RFTN1: variants seen among roughly 807,000 people sequenced by gnomAD.
The protein encoded by RFTN1 is raftlin, lipid raft linker 1, also known as raftlin.
In RFTN1, 26 loss-of-function variants were observed where a neutral mutation model predicts 46.5. The observed-to-expected ratio is 0.56, with a 90% confidence interval of 0.41 to 0.78. The LOEUF (loss-of-function observed/expected upper bound fraction) is 0.78. Among genes scored for constraint, RFTN1 ranks in the 30% least tolerant of loss-of-function variants. RFTN1 has a pLI of 0.00. For synonymous variants in RFTN1, 261 were observed against 284.2 expected, an observed-to-expected ratio of 0.92 and a Z score of 0.82; for missense variants, 693 against 718.7, an observed-to-expected ratio of 0.96 and a Z score of 0.41.
At chr3:16,408,104 T>TA (rs1246043373) in intron 4 of RFTN1, among the ~76,000 whole-genome samples, 1 of 152,076 alleles carries the variant, frequency 6.6e-6, no homozygotes, top group Non-Finnish European at 1.5e-5. Flanking sequence ...TCTGGCCCCT[T>TA]CTCCCGACCC....
At chr3:16,494,579 C>T (rs973644382) in intron 1 of RFTN1, among the ~76,000 whole-genome samples, 8 of 152,126 alleles carry the variant, frequency 5.3e-5, no homozygotes, top group Non-Finnish European at 7.3e-5. Flanking sequence ...CAGAAATCCA[C>T]GTGTATTACA....
intron 8 of RFTN1, among the ~76,000 whole-genome samples, chr3:16,325,581 GTC>G (rs2069611470): frequency 2.0e-5 from 3 of 152,328 alleles, no homozygotes; most frequent in Admixed American, 2.0e-4. Flanking sequence ...TTGGGTTCAA[GTC>G]TTCAGGCCCC....
At position 16,510,672 on chromosome 3, in the gene RFTN1, G is replaced by T. The variant is rs114664165; in HGVS notation, c.-9+2770C>A. ...AATCTCATACTTGTATTCTTTGCTGGTGAGACTGTAAAATGGTATAACCAT... is the reference window on the plus strand; with the variant it reads ...AATCTCATACTTGTATTCTTTGCTGTTGAGACTGTAAAATGGTATAACCAT... On this transcript the variant is annotated intron_variant, in intron 1 of 9. Transcript: ENST00000334133. Among the ~76,000 whole-genome samples the T allele has an allele frequency of 4.2e-3, 643 of 152,286 alleles. 7 individuals are homozygous for T. Among genetic ancestry groups the T allele is most frequent in the African/African-American group, 0.014 (588 of 41,546 alleles).
intron 1 of RFTN1, among the ~76,000 whole-genome samples, chr3:16,496,046 T>A (rs1262237668): frequency 6.6e-6 from 1 of 152,238 alleles, no homozygotes; most frequent in Non-Finnish European, 1.5e-5. Context: ...TATATTAAGA[T>A]TTAAAACTTC....
At position 16,498,154 on chromosome 3, in the gene RFTN1, C is replaced by A. The variant is rs1273729821; in HGVS notation, c.-8-4277G>T. Among the ~76,000 whole-genome samples the A allele has an allele frequency of 6.6e-6, 1 of 152,188 alleles. No homozygotes were observed. The highest frequency in any genetic ancestry group is 2.4e-5 in the African/African-American group (1 of 41,424). Reference sequence around the variant, plus strand: ...AAGATAAAGAGTATGTTACATTAAACCAAATTTGGCTTGACGATGCCTCCA... The same window carrying A: ...AAGATAAAGAGTATGTTACATTAAAACAAATTTGGCTTGACGATGCCTCCA... On this transcript the variant is annotated intron_variant, in intron 1 of 9. Coordinates refer to ENST00000334133, the MANE Select transcript of RFTN1 (RefSeq NM_015150.2). This position sits in a 1 kb window ranked among gnomAD's most constrained non-coding sequence, Gnocchi z 5.2.
rs575643252 is a variant in RFTN1, at chr3:16,400,783, C to A, written c.441+8592G>T. Among the ~76,000 whole-genome samples, 1 of 152,232 alleles carries A rather than the reference C, an allele frequency of 6.6e-6. No individual in the cohort carries two copies. The highest frequency in any genetic ancestry group is 1.9e-4 in the East Asian group (1 of 5,168). Reference sequence around the variant, plus strand: ...TAAAAATAGCAAGAGGACAGAGGATCAAGAGAGGCCAGGGTGGGAGAGGAA... The same window carrying A: ...TAAAAATAGCAAGAGGACAGAGGATAAAGAGAGGCCAGGGTGGGAGAGGAA... On this transcript the variant is annotated intron_variant, in intron 4 of 9. Coordinates refer to ENST00000334133, the MANE Select transcript of RFTN1 (RefSeq NM_015150.2). This position sits in a 1 kb window ranked among gnomAD's most constrained non-coding sequence, Gnocchi z 4.5.
chr3:16,363,607 G>A (rs1203778266), intron 6 of RFTN1, among the ~76,000 whole-genome samples: 5 of 152,238 alleles, frequency 3.3e-5, no homozygotes, highest in African/African-American at 1.2e-4. Flanking sequence ...TAACCTTCAG[G>A]CTCAGCCCCA....
At chr3:16,454,861 C>G (rs1349434781) in intron 2 of RFTN1, 1 of 777,990 alleles carries the variant, frequency 1.3e-6, no homozygotes, top group Non-Finnish European at 1.6e-6. Flanking sequence ...AGCTTTTTGC[C>G]TAGTCCATAA....
At chr3:16,362,233 A>T (rs757120164) in intron 6 of RFTN1, among the ~76,000 whole-genome samples, 28 of 152,348 alleles carry the variant, frequency 1.8e-4, no homozygotes, top group Middle Eastern at 3.4e-3. Flanking sequence ...GGGTAAACCA[A>T]TAACACACTC....
At position 16,452,325 on chromosome 3, in the gene RFTN1, C is replaced by T. The variant is rs559500593; in HGVS notation, c.146-18288G>A. Among the ~76,000 whole-genome samples, 95 of 151,916 alleles carry T rather than the reference C, an allele frequency of 6.3e-4. No individual in the cohort carries two copies. Among genetic ancestry groups the T allele is most frequent in the Admixed American group, 1.8e-3 (27 of 15,270 alleles). On this transcript the variant is annotated intron_variant, in intron 2 of 9. Coordinates refer to ENST00000334133, the MANE Select transcript of RFTN1 (RefSeq NM_015150.2). The surrounding 1 kb of genome is among the most constrained non-coding windows in gnomAD (Gnocchi z 6.3). ...ATGAAGGTAAGGATATAATAGAAGG[C>T]GAAGGGAAAAGTAATTTTAAAATGT...
rs2074937937 is a variant in RFTN1, at chr3:16,409,495, GAA to G, written c.333-14_333-13del. On this transcript the variant is annotated splice_polypyrimidine_tract_variant and intron_variant, in intron 3 of 9. Transcript: ENST00000334133. ...CAGTTTTCTGAGATCTGAAGAGAAA[GAA>G]AAGCACACACAGAAACAGATTAATA... 2.6e-6 allele frequency: 4 copies of G among 1,532,014 alleles called. No individual in the cohort carries two copies. The African/African-American group carries it at 5.5e-5, about 21-fold the overall frequency. 94.9% of individuals were successfully genotyped at this position (1,532,014 alleles called of 1,614,324 possible).
chr3:16,476,947 G>T (rs141270916), intron 2 of RFTN1, among the ~76,000 whole-genome samples: 1 of 152,080 alleles, frequency 6.6e-6, no homozygotes, highest in Non-Finnish European at 1.5e-5. Flanking sequence ...GTCATAAGGC[G>T]GATGACGACA....
intron 7 of RFTN1, chr3:16,349,609 T>C (rs766778211): frequency 6.6e-6 from 1 of 152,196 alleles, no homozygotes; most frequent in Non-Finnish European, 1.5e-5. Flanking sequence ...AAGAAAAGGG[T>C]ATGTTCAAGA....
In RFTN1 at chr3:16,452,225, A is replaced by G. The variant is rs765384709; in HGVS notation, c.146-18188T>C. Among the ~76,000 whole-genome samples the G allele has an allele frequency of 4.6e-5, 7 of 152,220 alleles. No individual in the cohort carries two copies. The highest frequency in any genetic ancestry group is 8.8e-5 in the Non-Finnish European group (6 of 68,034). On this transcript the variant is annotated intron_variant, in intron 2 of 9. Coordinates refer to ENST00000334133, the MANE Select transcript of RFTN1 (RefSeq NM_015150.2). The surrounding 1 kb of genome is among the most constrained non-coding windows in gnomAD (Gnocchi z 6.3). Reference sequence around the variant, plus strand: ...GATAAGGGGGAACTACTGTACAAACAGTGAATGAGAGTTATTCATAAGAAG... The same window carrying G: ...GATAAGGGGGAACTACTGTACAAACGGTGAATGAGAGTTATTCATAAGAAG...
At position 16,458,302 on chromosome 3, in the gene RFTN1, G is replaced by A. The variant is rs188341646; in HGVS notation, c.146-24265C>T. On this transcript the variant is annotated intron_variant, in intron 2 of 9. Coordinates refer to ENST00000334133, the MANE Select transcript of RFTN1 (RefSeq NM_015150.2). This position sits in a 1 kb window ranked among gnomAD's most constrained non-coding sequence, Gnocchi z 5.1. Reference sequence around the variant, plus strand: ...GGGGCAAGCATGGAAATAGATTGCTGCAGCATGTTCTGCTGTATTATTCAG... The same window carrying A: ...GGGGCAAGCATGGAAATAGATTGCTACAGCATGTTCTGCTGTATTATTCAG... 9.7e-4 allele frequency among the ~76,000 whole-genome samples: 147 copies of A among 152,306 alleles called. No individual in the cohort carries two copies. The highest frequency in any genetic ancestry group is 3.3e-3 in the African/African-American group (137 of 41,562).
Position 16,381,525 on chromosome 3 carries a change from A to G in RFTN1, c.442-3423T>C, listed in dbSNP as rs539586346. Among the ~76,000 whole-genome samples, 11 of 152,282 alleles carry G rather than the reference A, an allele frequency of 7.2e-5. No individual in the cohort carries two copies. Among genetic ancestry groups the G allele is most frequent in the African/African-American group, 2.6e-4 (11 of 41,578 alleles). On this transcript the variant is annotated intron_variant, in intron 4 of 9. Coordinates refer to ENST00000334133, the MANE Select transcript of RFTN1 (RefSeq NM_015150.2). This position sits in a 1 kb window ranked among gnomAD's most constrained non-coding sequence, Gnocchi z 4.2. The stretch of plus-strand genomic sequence containing the variant: ...GAAATGTGGCAGAACTGGAGCATGC[A>G]TGCCTCACCTTAAAGCATTCAAATC...
intron 7 of RFTN1, chr3:16,347,863 A>T (rs1027131580): frequency 3.9e-5 from 6 of 152,230 alleles, no homozygotes; most frequent in African/African-American, 1.4e-4. Context: ...GGTTCCCTAT[A>T]AGGAGACCCT....
intron 6 of RFTN1, among the ~76,000 whole-genome samples, chr3:16,368,199 C>T (rs566681698): frequency 6.6e-6 from 1 of 152,278 alleles, no homozygotes; most frequent in East Asian, 1.9e-4. Context: ...ACATCTGTCC[C>T]AAGTTGGCCC....
In RFTN1 at chr3:16,356,465, T is replaced by C. The variant is rs182757428; in HGVS notation, c.1146+1467A>G. ...TTGCTATCACACTTGCAAGCAGTTA[T>C]TTCTCATCCCTGTTCAGACGCAGGT... On this transcript the variant is annotated intron_variant, in intron 7 of 9. Transcript: ENST00000334133. The surrounding 1 kb of genome is among the most constrained non-coding windows in gnomAD (Gnocchi z 4.9). Among the ~76,000 whole-genome samples the C allele has an allele frequency of 2.4e-4, 36 of 151,102 alleles. No individual in the cohort carries two copies. In the East Asian group the frequency reaches 5.5e-3, roughly 23 times the overall value.
Sources: allele counts gnomAD v4.1 joint callset (sites outside exome capture counted in the v4.1 genomes callset), GRCh38; gene constraint gnomAD v4.1.1; non-coding constraint Gnocchi (gnomAD v3.1); transcripts MANE v1.5; gene names NCBI Gene and HGNC (gene_info 2026-07-23, HGNC 2026-07-21).